C9: variants seen among roughly 807,000 people sequenced by gnomAD.
The protein encoded by C9 is complement C9.
A neutral mutation model predicts 65.4 loss-of-function variants in C9; 63 were observed. The ratio of observed to expected loss-of-function variants is 0.96; its 90% CI spans 0.79 to 1.19. C9 has a LOEUF of 1.19. Ranked by LOEUF, C9 falls within the 50% of genes most tolerant of loss-of-function variation. The probability of loss-of-function intolerance (pLI) is 0.00; values close to 1 mark genes in which losing one functional copy is unlikely to be tolerated. For missense variants in C9, 744 were observed against 670.1 expected (o/e 1.11, Z -1.22); for synonymous variants, 229 against 227.9 (o/e 1.00, Z -0.04).
chr5:39,342,046 G>T, intron 2 of C9, 45 bp downstream of exon 2: 1 of 1,074,132 alleles, frequency 9.3e-7, no homozygotes, highest in South Asian at 1.2e-5. Flanking sequence ...TAGCAATACA[G>T]TTTCCATTTG....
chr5:39,304,741 TAC>T (rs1753343686), intron 9 of C9, among the ~76,000 whole-genome samples: 1 of 152,190 alleles, frequency 6.6e-6, no homozygotes, highest in South Asian at 2.1e-4. Context: ...AAGAAACTTA[TAC>T]AGATAGTCTA....
chr5:39,341,306 T>C lies in C9; in HGVS notation c.329-13A>G. The C allele has an allele frequency of 6.2e-7, 1 of 1,613,830 alleles. No individual in the cohort carries two copies. Among genetic ancestry groups the C allele is most frequent in the Non-Finnish European group, 8.5e-7 (1 of 1,179,726 alleles). ...TTTATGCATCTGCCTGCAATCAAAA[T>C]CAGGAGAGACTCAATGTATCTAATG... On this transcript the variant is annotated splice_polypyrimidine_tract_variant and intron_variant, in intron 3 of 10. Coordinates refer to ENST00000263408, the MANE Select transcript of C9 (RefSeq NM_001737.5).
chr5:39,325,133 G>C (rs959371196), intron 5 of C9, among the ~76,000 whole-genome samples: 1 of 152,120 alleles, frequency 6.6e-6, no homozygotes, highest in Non-Finnish European at 1.5e-5. Flanking sequence ...AATTTTATTT[G>C]TACAAATGGA....
At chr5:39,360,748 A>AT (rs1012050913) in intron 1 of C9, among the ~76,000 whole-genome samples, 46 of 149,856 alleles carry the variant, frequency 3.1e-4, no homozygotes, top group African/African-American at 9.0e-4. Context: ...CAAAATACCT[A>AT]TTTTTTTTTT....
chr5:39,295,571 A>G (rs750393849), intron 9 of C9, among the ~76,000 whole-genome samples: 2 of 151,718 alleles, frequency 1.3e-5, no homozygotes, highest in Admixed American at 6.6e-5. Context: ...AAGAAATCCC[A>G]TGCTCCAGGC....
At chr5:39,355,432 C>G (rs1402118270) in intron 1 of C9, among the ~76,000 whole-genome samples, 1 of 149,132 alleles carries the variant, frequency 6.7e-6, no homozygotes, top group East Asian at 1.9e-4. Context: ...TTACTTCCTT[C>G]TTAGCTTCTA....
At chr5:39,335,512 C>T (rs1216026511) in intron 4 of C9, among the ~76,000 whole-genome samples, 1 of 152,046 alleles carries the variant, frequency 6.6e-6, no homozygotes, top group Non-Finnish European at 1.5e-5. Flanking sequence ...CTTTTTTTCT[C>T]TTGTAGTATA....
At chr5:39,322,268 T>C (rs1188372647) in intron 5 of C9, among the ~76,000 whole-genome samples, 1 of 151,896 alleles carries the variant, frequency 6.6e-6, no homozygotes, top group Non-Finnish European at 1.5e-5. Context: ...ATGAAGAGAT[T>C]AAAAGTTTAA....
At chr5:39,335,908 T>C (rs1434411906) in intron 4 of C9, among the ~76,000 whole-genome samples, 3 of 152,090 alleles carry the variant, frequency 2.0e-5, no homozygotes, top group Non-Finnish European at 2.9e-5. Flanking sequence ...GGAAATGGCA[T>C]GTTATGAGGG....
At chr5:39,351,521 GA>G (rs1435415515) in intron 1 of C9, among the ~76,000 whole-genome samples, 1 of 152,162 alleles carries the variant, frequency 6.6e-6, no homozygotes, top group Non-Finnish European at 1.5e-5. Context: ...TAGGATTTTA[GA>G]AGCAGCCAGG....
intron 1 of C9, among the ~76,000 whole-genome samples, chr5:39,351,626 A>G (rs1302434450): frequency 6.6e-6 from 1 of 152,210 alleles, no homozygotes; most frequent in Non-Finnish European, 1.5e-5. Flanking sequence ...TTCCTAGAGC[A>G]TGGGCACAAT....
intron 7 of C9, among the ~76,000 whole-genome samples, chr5:39,309,182 C>A (rs1258154782): frequency 6.6e-6 from 1 of 152,118 alleles, no homozygotes; most frequent in South Asian, 2.1e-4. Context: ...AATAATTATT[C>A]CTCTATTTTA....
At chr5:39,344,248 C>T (rs1189092725) in intron 1 of C9, among the ~76,000 whole-genome samples, 1 of 152,064 alleles carries the variant, frequency 6.6e-6, no homozygotes, top group African/African-American at 2.4e-5. Context: ...AAGTTCGAAC[C>T]CAATGCAAAG....
intron 1 of C9, among the ~76,000 whole-genome samples, chr5:39,361,354 G>A (rs557668233): frequency 3.3e-5 from 5 of 152,210 alleles, no homozygotes; most frequent in Admixed American, 6.5e-5. Flanking sequence ...CAAATCTCAC[G>A]GAAAGTTATG....
At chr5:39,317,937 G>A (rs556702502) in intron 5 of C9, among the ~76,000 whole-genome samples, 4 of 152,062 alleles carry the variant, frequency 2.6e-5, no homozygotes, top group Admixed American at 1.3e-4. Flanking sequence ...ATTACTTTGG[G>A]CAGTATGGCC....
intron 9 of C9, among the ~76,000 whole-genome samples, chr5:39,297,588 A>G (rs886980146): frequency 2.0e-5 from 3 of 151,676 alleles, no homozygotes; most frequent in African/African-American, 7.2e-5. Flanking sequence ...CTCCTTGGCT[A>G]TATTACCATA....
At chr5:39,320,565 G>C (rs1415770219) in intron 5 of C9, among the ~76,000 whole-genome samples, 5 of 152,180 alleles carry the variant, frequency 3.3e-5, no homozygotes, top group Middle Eastern at 3.4e-3. Context: ...TATGTATTAT[G>C]GTGCCCCAGA....
chr5:39,364,282 A>C, intron 1 of C9, 106 bp downstream of exon 1: 1 of 733,502 alleles, frequency 1.4e-6, no homozygotes, highest in South Asian at 1.4e-5. Context: ...GGCTCTGTAT[A>C]TTGCCATGTG....
intron 4 of C9, among the ~76,000 whole-genome samples, chr5:39,333,214 C>T (rs1561346949): frequency 6.6e-6 from 1 of 152,070 alleles, no homozygotes; most frequent in Non-Finnish European, 1.5e-5. Flanking sequence ...AATCCTTTAC[C>T]CATCTCTGCA....
Sources: allele counts gnomAD v4.1 joint callset (sites outside exome capture counted in the v4.1 genomes callset), GRCh38; gene constraint gnomAD v4.1.1; transcripts MANE v1.5; gene names NCBI Gene and HGNC (gene_info 2026-07-23, HGNC 2026-07-21).